The following RUNX3 variants were observed in gnomAD, a reference collection of about 807,000 sequenced individuals.
RUNX3 encodes runt-related transcription factor 3.
Under a neutral mutation model 27.7 loss-of-function variants are expected in RUNX3, and 10 were observed. The ratio of observed to expected loss-of-function variants is 0.36; its 90% CI spans 0.22 to 0.61. The LOEUF (loss-of-function observed/expected upper bound fraction) is 0.61, where lower values mean the gene tolerates loss of function less well. RUNX3 is among the 20% of genes least tolerant of loss of function. The pLI, the probability that RUNX3 is intolerant of heterozygous loss-of-function variation, is 0.72. For synonymous variants in RUNX3, 270 were observed against 269.2 expected, an observed-to-expected ratio of 1.00 and a Z score of -0.03; for missense variants, 469 against 629.5, an observed-to-expected ratio of 0.75 and a Z score of 2.73.
intron 2 of RUNX3, among the ~76,000 whole-genome samples, chr1:24,953,952 G>A (rs1215621448): frequency 2.0e-5 from 3 of 151,978 alleles, no homozygotes; most frequent in South Asian, 2.1e-4. Context: ...TTGCTCTGTC[G>A]CCCAAGCTAG....
intron 2 of RUNX3, among the ~76,000 whole-genome samples, chr1:24,937,832 T>G (rs1641383833): frequency 6.6e-6 from 1 of 152,184 alleles, no homozygotes; most frequent in African/African-American, 2.4e-5. Context: ...TTTATAGTTG[T>G]TTGTGCCACT....
intron 2 of RUNX3, among the ~76,000 whole-genome samples, chr1:24,947,317 C>T (rs957417933): frequency 2.6e-5 from 4 of 152,228 alleles, no homozygotes; most frequent in African/African-American, 9.6e-5. Flanking sequence ...AGAAGCTGGG[C>T]AGCCAGGTCC....
At position 24,927,853 on chromosome 1, in the gene RUNX3, C is replaced by T. The variant is rs1296977903; in HGVS notation, c.283-123G>A. On this transcript the variant is annotated intron_variant, in intron 1 of 4. Transcript: ENST00000308873. The surrounding 1 kb of genome is among the most constrained non-coding windows in gnomAD (Gnocchi z 5.0). The stretch of plus-strand genomic sequence containing the variant: ...GGTCCCAGGCACACTGAGTATTTCT[C>T]CAATGCAGGGTGGAGAAGAGGCTTA... 1 of 790,258 alleles carries T rather than the reference C, an allele frequency of 1.3e-6. No individual in the cohort carries two copies. The highest frequency in any genetic ancestry group is 1.7e-5 in the African/African-American group (1 of 58,372). The allele number at this position is 790,258 out of a possible 1,614,324, so 49.0% of individuals were successfully genotyped here.
intron 3 of RUNX3, among the ~76,000 whole-genome samples, chr1:24,918,708 T>C (rs936790490): frequency 1.3e-5 from 2 of 152,154 alleles, no homozygotes; most frequent in African/African-American, 4.8e-5. Flanking sequence ...ACAAACTCGC[T>C]TTGATGGACC....
chr1:24,934,721 G>T (rs1641309321), upstream of RUNX3, among the ~76,000 whole-genome samples: 1 of 152,168 alleles, frequency 6.6e-6, no homozygotes, highest in African/African-American at 2.4e-5. Context: ...GTCTGCTCTG[G>T]TTCAAAATGT....
chr1:24,960,510 GC>G (rs570012492), intron 2 of RUNX3, among the ~76,000 whole-genome samples: 2 of 152,150 alleles, frequency 1.3e-5, no homozygotes, highest in East Asian at 3.9e-4. Context: ...GAACGCGTTT[GC>G]CCCCCCGCCG....
At chr1:24,940,946 T>C (rs773563476) in intron 2 of RUNX3, among the ~76,000 whole-genome samples, 4 of 152,188 alleles carry the variant, frequency 2.6e-5, no homozygotes, top group Non-Finnish European at 5.9e-5. Context: ...TGTACATGTA[T>C]TTTACATGTT....
intron 1 of RUNX3, 194 bp downstream of exon 1, chr1:24,929,393 C>T (rs1329190307): frequency 4.2e-6 from 3 of 711,156 alleles, no homozygotes; most frequent in South Asian, 1.5e-5. Context: ...AAAAGTCATT[C>T]CTGCAGGGCG....
intron 2 of RUNX3, among the ~76,000 whole-genome samples, chr1:24,954,163 C>T (rs745931919): frequency 3.9e-5 from 6 of 152,218 alleles, no homozygotes; most frequent in Admixed American, 6.5e-5. Flanking sequence ...AAAAACAAGA[C>T]ATGGGGTAAA....
At chr1:24,941,046 G>A (rs1024949475) in intron 2 of RUNX3, among the ~76,000 whole-genome samples, 1 of 152,192 alleles carries the variant, frequency 6.6e-6, no homozygotes, top group African/African-American at 2.4e-5. Flanking sequence ...ATGCTCAAAT[G>A]TGCATAATAT....
chr1:24,931,863 C>A (rs1374146495), upstream of RUNX3, among the ~76,000 whole-genome samples: 1 of 152,240 alleles, frequency 6.6e-6, no homozygotes, highest in African/African-American at 2.4e-5. Context: ...CTTACTGAAC[C>A]TTTTAAGAGA....
At chr1:24,922,878 A>G (rs1184393308) in intron 2 of RUNX3, among the ~76,000 whole-genome samples, 3 of 151,340 alleles carry the variant, frequency 2.0e-5, no homozygotes, top group Admixed American at 2.0e-4. Context: ...CACCTGCTGG[A>G]ATTTTCTCAC....
intron 2 of RUNX3, among the ~76,000 whole-genome samples, chr1:24,964,181 G>A (rs970369224): frequency 6.6e-6 from 1 of 152,306 alleles, no homozygotes; most frequent in African/African-American, 2.4e-5. Flanking sequence ...TGCAGGCCCT[G>A]GGGCCCTGTT....
rs762345992 is a variant in RUNX3, at chr1:24,918,838, CCT to C, written c.544+400_544+401del. Among the ~76,000 whole-genome samples the C allele has an allele frequency of 3.3e-5, 5 of 152,314 alleles. 1 individual carries two copies. The highest frequency in any genetic ancestry group is 2.4e-5 in the African/African-American group (1 of 41,566). ...GCCTGGCCTCACAGCCAGACCAGCC[CCT>C]GACTTTTGATCACTCCTGCCCTCCA... is the stretch of plus-strand genomic sequence containing the variant. On this transcript the variant is annotated intron_variant, in intron 3 of 4. Coordinates refer to ENST00000308873, the MANE Select transcript of RUNX3 (RefSeq NM_004350.3).
chr1:24,948,410 T>C (rs1045262912), intron 2 of RUNX3, among the ~76,000 whole-genome samples: 1 of 152,074 alleles, frequency 6.6e-6, no homozygotes, highest in Non-Finnish European at 1.5e-5. Flanking sequence ...AGGCCTAACA[T>C]GGTGGCAGGG....
chr1:24,931,592 G>T (rs1641230153), upstream of RUNX3, among the ~76,000 whole-genome samples: 1 of 152,164 alleles, frequency 6.6e-6, no homozygotes, highest in Admixed American at 6.5e-5. Context: ...TCCGGCTCTC[G>T]ACAGGTGCAA....
At chr1:24,959,415 G>A (rs745547974) in intron 2 of RUNX3, among the ~76,000 whole-genome samples, 20 of 152,180 alleles carry the variant, frequency 1.3e-4, no homozygotes, top group East Asian at 3.8e-4. Flanking sequence ...CTCAGAAGCC[G>A]CCATCAAAGG....
Position 24,916,591 on chromosome 1 carries a change from G to GTA in RUNX3, c.544+2648_544+2649insTA, listed in dbSNP as rs1640893492. On this transcript the variant is annotated intron_variant, in intron 3 of 4. Coordinates refer to ENST00000308873, the MANE Select transcript of RUNX3 (RefSeq NM_004350.3). This position sits in a 1 kb window ranked among gnomAD's most constrained non-coding sequence, Gnocchi z 4.8. ...CTTCACTCTTACAGATGGGGACGCT[G>GTA]AGGACCCGAAAGGCCAAGGATTTGT... Among the ~76,000 whole-genome samples the GTA allele has an allele frequency of 6.6e-6, 1 of 152,166 alleles. No homozygotes were observed.
chr1:24,947,203 G>A (rs1641629771), intron 2 of RUNX3, among the ~76,000 whole-genome samples: 1 of 152,186 alleles, frequency 6.6e-6, no homozygotes, highest in African/African-American at 2.4e-5. Context: ...ACCTGGGGGT[G>A]CAAAGGCGCT....
Sources: allele counts gnomAD v4.1 joint callset (sites outside exome capture counted in the v4.1 genomes callset), GRCh38; gene constraint gnomAD v4.1.1; non-coding constraint Gnocchi (gnomAD v3.1); transcripts MANE v1.5; gene names NCBI Gene and HGNC (gene_info 2026-07-23, HGNC 2026-07-21).